Variants in SORCS3 observed in about 807,000 individuals in gnomAD.
The protein encoded by SORCS3 is VPS10 domain-containing receptor SorCS3.
A neutral mutation model predicts 146.3 loss-of-function variants in SORCS3; 57 were observed. The observed-to-expected ratio is 0.39, with a 90% CI of 0.31 to 0.49. The LOEUF is 0.49. Among genes scored for constraint, SORCS3 ranks in the 20% least tolerant of loss-of-function variants. SORCS3 has a pLI of 0.92. For synonymous variants in SORCS3, 653 were observed against 618.5 expected (o/e 1.06, Z -0.83); for missense variants, 1,341 against 1,575.5 (o/e 0.85, Z 2.52).
intron 2 of SORCS3, among the ~76,000 whole-genome samples, chr10:104,886,179 G>C (rs2018682289): frequency 6.6e-6 from 1 of 152,092 alleles, no homozygotes. Flanking sequence ...GACTTGATTT[G>C]TGGTTTTATG....
intron 1 of SORCS3, among the ~76,000 whole-genome samples, chr10:104,666,869 C>T (rs2015784796): frequency 6.6e-6 from 1 of 152,078 alleles, no homozygotes; most frequent in Non-Finnish European, 1.5e-5. Context: ...CTCACAAAGT[C>T]TCTTTGGACT....
intron 20 of SORCS3, among the ~76,000 whole-genome samples, chr10:105,224,223 T>C (rs2056720956): frequency 6.6e-6 from 1 of 152,178 alleles, no homozygotes; most frequent in African/African-American, 2.4e-5. Context: ...CTGAAAATGC[T>C]CTGTGCTCCA....
At chr10:104,913,595 A>C (rs983019874) in intron 2 of SORCS3, among the ~76,000 whole-genome samples, 8 of 152,136 alleles carry the variant, frequency 5.3e-5, no homozygotes, top group African/African-American at 1.4e-4. Context: ...AGTGTGCATA[A>C]TGTGTAAAAC....
intron 5 of SORCS3, among the ~76,000 whole-genome samples, chr10:105,082,422 A>G (rs2133734873): frequency 6.6e-6 from 1 of 152,318 alleles, no homozygotes; most frequent in South Asian, 2.1e-4. Flanking sequence ...AGAAAATAAT[A>G]TTGTCATAGC....
chr10:104,744,514 C>T (rs1487475000), intron 1 of SORCS3, among the ~76,000 whole-genome samples: 1 of 152,126 alleles, frequency 6.6e-6, no homozygotes, highest in Non-Finnish European at 1.5e-5. Flanking sequence ...CTATGGAGAA[C>T]CTGTTATTAT....
At chr10:104,804,773 A>G (rs2017663102) in intron 1 of SORCS3, among the ~76,000 whole-genome samples, 1 of 152,218 alleles carries the variant, frequency 6.6e-6, no homozygotes, top group Non-Finnish European at 1.5e-5. Context: ...AGGAAACCAG[A>G]ATAGATGCCA....
chr10:104,935,728 C>T (rs1361031569), intron 3 of SORCS3, among the ~76,000 whole-genome samples: 1 of 140,458 alleles, frequency 7.1e-6, no homozygotes, highest in African/African-American at 2.6e-5. Context: ...TAGAGGTTTG[C>T]TGAGGACTAA....
At chr10:104,876,757 T>TTCTC (rs531146199) in intron 2 of SORCS3, among the ~76,000 whole-genome samples, 1 of 18,708 alleles carries the variant, frequency 5.3e-5, no homozygotes, top group Non-Finnish European at 9.2e-5. Context: ...CTTTCTTTCT[T>TTCTC]TCTCTTCCTT....
chr10:105,025,881 C>CACACACA (rs1554870021), intron 4 of SORCS3, among the ~76,000 whole-genome samples: 78 of 148,720 alleles, frequency 5.2e-4, no homozygotes, highest in African/African-American at 1.6e-3. Flanking sequence ...CACACACACA[C>CACACACA]CTGAAGAACA....
At chr10:105,238,392 G>C (rs532316512) in intron 20 of SORCS3, among the ~76,000 whole-genome samples, 1 of 152,328 alleles carries the variant, frequency 6.6e-6, no homozygotes, top group South Asian at 2.1e-4. Flanking sequence ...GCAGGCTGGG[G>C]AGTGATGGAT....
rs567874706 is a variant in SORCS3 at position 104,949,961 on chromosome 10, G to T, written c.796-27374G>T. Among the ~76,000 whole-genome samples the T allele has an allele frequency of 2.5e-4, 38 of 152,312 alleles. 1 individual carries two copies. The highest frequency in any genetic ancestry group is 9.1e-4 in the African/African-American group (38 of 41,566). On this transcript the variant is annotated intron_variant, in intron 3 of 26. Coordinates refer to ENST00000369701, the MANE Select transcript of SORCS3 (RefSeq NM_014978.3). ...AGTAATAAGATTTGATTTACAATAA[G>T]TTTAATTTGTAATCAGTTTTGGCTT...
rs187239272 is a variant in SORCS3, at chr10:104,841,965, T to G, written c.628-827T>G. ...ATCCTTTTAAATGTGGAGCTGTGCC[T>G]AAGCCACTGCCCGGATGCATGAGAG... On this transcript the variant is annotated intron_variant, in intron 1 of 26. Transcript: ENST00000369701. Among the ~76,000 whole-genome samples the G allele has an allele frequency of 2.9e-4, 44 of 152,330 alleles. No individual in the cohort carries two copies. In the East Asian group the frequency reaches 7.3e-3, roughly 25 times the overall value.
chr10:105,125,136 G>A (rs988555633), intron 7 of SORCS3, among the ~76,000 whole-genome samples: 2 of 152,204 alleles, frequency 1.3e-5, no homozygotes, highest in African/African-American at 4.8e-5. Context: ...AAGTACTTGT[G>A]AAGTTGATTG....
At chr10:105,086,519 G>A (rs557123838) in intron 5 of SORCS3, among the ~76,000 whole-genome samples, 218 of 152,288 alleles carry the variant, frequency 1.4e-3, no homozygotes, top group African/African-American at 5.1e-3. Context: ...ATTTTAACTA[G>A]GTGGAAGGAA....
rs564387559 is a variant in SORCS3 at position 105,227,046 on chromosome 10, A to G, written c.2868+3797A>G. The stretch of plus-strand genomic sequence containing the variant: ...CTTTTGTATTATTTTTTTAGTCTCT[A>G]TTTTGTTTAGTTCTCCTCTGATCTT... On this transcript the variant is annotated intron_variant, in intron 20 of 26. Coordinates refer to ENST00000369701, the MANE Select transcript of SORCS3 (RefSeq NM_014978.3). Among the ~76,000 whole-genome samples, 25 of 151,714 alleles carry G rather than the reference A, an allele frequency of 1.6e-4. No individual in the cohort carries two copies. In the South Asian group the frequency reaches 4.2e-3, roughly 25 times the overall value.
chr10:105,125,275 C>A (rs925076992), intron 7 of SORCS3, among the ~76,000 whole-genome samples: 7 of 152,108 alleles, frequency 4.6e-5, no homozygotes, highest in Non-Finnish European at 5.9e-5. Flanking sequence ...ACCTGTAATT[C>A]TTAGAGATTC....
rs531909976 is a variant in SORCS3 at position 104,882,759 on chromosome 10, C to T, written c.696-33074C>T. Among the ~76,000 whole-genome samples, 445 of 152,336 alleles carry T rather than the reference C, an allele frequency of 2.9e-3. 2 individuals carry two copies. Among genetic ancestry groups the T allele is most frequent in the South Asian group, 0.018 (88 of 4,834 alleles). ...GTCCTCTTGCTTATTCCCATCTCCC[C>T]ACCCAGTGCCACTCCTGGCCACAGA... On this transcript the variant is annotated intron_variant, in intron 2 of 26. Transcript: ENST00000369701.
At chr10:105,040,523 T>G (rs2055331937) in intron 4 of SORCS3, among the ~76,000 whole-genome samples, 1 of 152,222 alleles carries the variant, frequency 6.6e-6, no homozygotes, top group African/African-American at 2.4e-5. Flanking sequence ...CTACCCCGGT[T>G]AATCTTTCCC....
chr10:104,833,283 G>A (rs1285753332), intron 1 of SORCS3, among the ~76,000 whole-genome samples: 1 of 152,196 alleles, frequency 6.6e-6, no homozygotes. Context: ...AGATGAGAGG[G>A]GTGCTGTGCA....
Sources: gnomAD v4.1 joint callset for allele counts (sites outside exome capture counted in the v4.1 genomes callset) on GRCh38, gnomAD v4.1.1 for gene constraint, MANE v1.5 for transcripts, NCBI Gene and HGNC (gene_info 2026-07-23, HGNC 2026-07-21) for gene names.